The following ZEB1 variants were observed in gnomAD, a reference collection of about 807,000 sequenced individuals.
The protein encoded by ZEB1 is zinc finger E-box binding homeobox 1.
A neutral mutation model predicts 84.9 loss-of-function variants in ZEB1; 21 were observed. That is an observed-to-expected ratio of 0.25 (90% CI 0.18 to 0.36). The LOEUF (loss-of-function observed/expected upper bound fraction) is 0.36, where lower values mean the gene tolerates loss of function less well. ZEB1 is among the 10% of genes least tolerant of loss of function. The probability of loss-of-function intolerance (pLI) is 1.00; values close to 1 mark genes in which losing one functional copy is unlikely to be tolerated. For synonymous variants in ZEB1, 420 were observed against 471.1 expected (o/e 0.89, Z 1.41); for missense variants, 1,104 against 1,330.2 (o/e 0.83, Z 2.65).
chr10:31,321,163 G>C (rs1233988508), intron 1 of ZEB1: 1 of 1,059,280 alleles, frequency 9.4e-7, no homozygotes, highest in Non-Finnish European at 1.1e-6. Context: ...GATGCGAAAC[G>C]CGAGGTTTTG....
Position 31,521,244 on chromosome 10 carries a change from A to G in ZEB1, c.1912A>G (p.Ile638Val). 1 of 1,614,112 alleles carries G rather than the reference A, an allele frequency of 6.2e-7. No individual in the cohort carries two copies. The highest frequency in any genetic ancestry group is 8.5e-7 in the Non-Finnish European group (1 of 1,180,014). ...KWFEKMQAGQ[I>V]SVQSSEPSSP... The stretch of plus-strand genomic sequence containing the variant: ...GTTTGAAAAGATGCAAGCTGGACAG[A>G]TTTCAGTGCAGTCTTCTGAACCATC... The change falls in exon 7 of 9, where the codon ATT (isoleucine) becomes GTT (valine). Residue 638 changes from isoleucine (I) to valine (V), a missense_variant. Physicochemically the swap from Ile to Val is conservative, Grantham distance 29. This residue lies in a region of ZEB1 where 531 missense variants were observed against 575.2 expected (regional missense o/e 0.92). Transcript: ENST00000424869.
intron 1 of ZEB1, among the ~76,000 whole-genome samples, chr10:31,433,738 G>A (rs2057988857): frequency 6.6e-6 from 1 of 152,156 alleles, no homozygotes; most frequent in South Asian, 2.1e-4. Flanking sequence ...AAGTGAAACT[G>A]GCAAATTTTT....
At chr10:31,433,897 T>C (rs1009362688) in intron 1 of ZEB1, among the ~76,000 whole-genome samples, 2 of 152,154 alleles carry the variant, frequency 1.3e-5, no homozygotes, top group South Asian at 2.1e-4. Context: ...AGTACTGCCT[T>C]AGTATTATTA....
intron 2 of ZEB1, among the ~76,000 whole-genome samples, chr10:31,487,142 G>A (rs1002875382): frequency 4.6e-5 from 7 of 151,446 alleles, no homozygotes; most frequent in East Asian, 1.9e-4. Context: ...CCAATACCAC[G>A]TAATCCTGAT....
chr10:31,392,247 A>T (rs2049878536), intron 1 of ZEB1, among the ~76,000 whole-genome samples: 2 of 152,204 alleles, frequency 1.3e-5, no homozygotes, highest in African/African-American at 2.4e-5. Context: ...AAAAGGAATT[A>T]TCCATTATAA....
At position 31,461,252 on chromosome 10, in the gene ZEB1, T is replaced by C. The variant is rs894013408; in HGVS notation, c.259+15T>C. The C allele has an allele frequency of 2.5e-6, 4 of 1,600,978 alleles. No individual in the cohort carries two copies. Among genetic ancestry groups the C allele is most frequent in the Non-Finnish European group, 3.4e-6 (4 of 1,172,578 alleles). On this transcript the variant is annotated intron_variant, in intron 2 of 8. Transcript: ENST00000424869. ...GGAGGATGACAGTAAGTCTGATTTT[T>C]TTTTGTAATATTGTATTCTCATGAT...
intron 1 of ZEB1, among the ~76,000 whole-genome samples, chr10:31,328,910 A>G (rs1205328814): frequency 1.3e-5 from 2 of 152,074 alleles, no homozygotes; most frequent in Non-Finnish European, 2.9e-5. Flanking sequence ...TTGGCTGGGA[A>G]TGTATTTAAG....
At chr10:31,475,842 G>T (rs548204477) in intron 2 of ZEB1, among the ~76,000 whole-genome samples, 1 of 152,130 alleles carries the variant, frequency 6.6e-6, no homozygotes, top group South Asian at 2.1e-4. Context: ...GCACAGGTAA[G>T]TAGAAACCTC....
intron 1 of ZEB1, chr10:31,321,089 A>G: frequency 6.1e-6 from 6 of 981,096 alleles, no homozygotes; most frequent in Non-Finnish European, 7.3e-6. Flanking sequence ...TTTAGGAGAA[A>G]ACTCTCTCGT....
At chr10:31,489,381 A>G (rs1364859472) in intron 2 of ZEB1, among the ~76,000 whole-genome samples, 1 of 151,274 alleles carries the variant, frequency 6.6e-6, no homozygotes, top group Admixed American at 6.6e-5. Flanking sequence ...ATTTTTGTAG[A>G]TAGGATATTA....
At chr10:31,475,145 G>A (rs986160112) in intron 2 of ZEB1, among the ~76,000 whole-genome samples, 15 of 151,458 alleles carry the variant, frequency 9.9e-5, no homozygotes, top group African/African-American at 2.9e-4. Flanking sequence ...CACCAGCGTG[G>A]CACATGTATA....
At chr10:31,397,492 TG>T (rs1470817422) in intron 1 of ZEB1, among the ~76,000 whole-genome samples, 5 of 152,118 alleles carry the variant, frequency 3.3e-5, no homozygotes, top group African/African-American at 4.8e-5. Flanking sequence ...TTCCTATTTT[TG>T]GACAGGCATA....
In ZEB1 at chr10:31,528,820, T is replaced by A. The variant is rs950871634; in HGVS notation, c.*1556T>A. ...AACAGTGTTATGTTAACATTTATAC[T>A]TGCCTTGGACTGTAGAACAGAACTT... On this transcript the variant is annotated 3_prime_UTR_variant, in exon 9 of 9. Transcript: ENST00000424869. 2.0e-5 allele frequency: 3 copies of A among 152,214 alleles called. No homozygotes were observed. Among genetic ancestry groups the A allele is most frequent in the Admixed American group, 1.3e-4 (2 of 15,280 alleles). The allele number at this position is 152,214 out of a possible 1,614,324, so 9.4% of individuals were successfully genotyped here.
intron 1 of ZEB1, among the ~76,000 whole-genome samples, chr10:31,442,573 A>T (rs899297534): frequency 6.6e-6 from 1 of 152,106 alleles, no homozygotes; most frequent in South Asian, 2.1e-4. Context: ...ATAATAAAAA[A>T]AAAAGAAATC....
chr10:31,360,717 C>T (rs1035200493), intron 1 of ZEB1, among the ~76,000 whole-genome samples: 3 of 152,106 alleles, frequency 2.0e-5, no homozygotes, highest in East Asian at 1.9e-4. Flanking sequence ...AGTCTAATCA[C>T]GTTGAAATAT....
chr10:31,448,848 G>C (rs985677120), intron 1 of ZEB1, among the ~76,000 whole-genome samples: 2 of 152,204 alleles, frequency 1.3e-5, no homozygotes, highest in African/African-American at 2.4e-5. Context: ...AGTCTGCAGA[G>C]GTTACTGCTG....
chr10:31,371,531 A>G (rs888746011), intron 1 of ZEB1, among the ~76,000 whole-genome samples: 10 of 152,196 alleles, frequency 6.6e-5, no homozygotes, highest in African/African-American at 2.4e-4. Context: ...GCTTCTTGAT[A>G]TAAAGTCTTC....
intron 1 of ZEB1, among the ~76,000 whole-genome samples, chr10:31,371,371 A>C (rs2045665754): frequency 6.6e-6 from 1 of 152,160 alleles, no homozygotes; most frequent in South Asian, 2.1e-4. Context: ...CTGTAATTTC[A>C]TTTGACTAAG....
At chr10:31,466,025 A>G (rs1393190132) in intron 2 of ZEB1, among the ~76,000 whole-genome samples, 1 of 152,254 alleles carries the variant, frequency 6.6e-6, no homozygotes, top group Non-Finnish European at 1.5e-5. Flanking sequence ...AAATTGTCAC[A>G]AGAGGCAATG....
Sources: allele counts gnomAD v4.1 joint callset (sites outside exome capture counted in the v4.1 genomes callset), GRCh38; gene constraint gnomAD v4.1.1; regional missense constraint gnomAD v4.1.1; transcripts MANE v1.5; gene names NCBI Gene and HGNC (gene_info 2026-07-23, HGNC 2026-07-21).